Variants in HHAT observed in about 807,000 individuals in gnomAD.
HHAT encodes the protein hedgehog acyltransferase, also known as protein-cysteine N-palmitoyltransferase HHAT.
HHAT carries 47 observed loss-of-function variants against 70.8 expected under a neutral mutation model. The ratio of observed to expected loss-of-function variants is 0.66; its 90% confidence interval spans 0.53 to 0.85. The LOEUF (loss-of-function observed/expected upper bound fraction) is 0.85, where lower values mean the gene tolerates loss of function less well. Ranked by LOEUF, HHAT falls within the 40% of genes least tolerant of loss-of-function variation. The pLI is 0.00. For missense variants in HHAT, 609 were observed against 604.8 expected, an observed-to-expected ratio of 1.01 and a Z score of -0.07; for synonymous variants, 228 against 247.6, an observed-to-expected ratio of 0.92 and a Z score of 0.74.
chr1:210,447,428 T>C lies in HHAT; in HGVS notation c.857-17077T>C, dbSNP rs117601865. On this transcript the variant is annotated intron_variant, in intron 7 of 11. Transcript: ENST00000261458. ...ATCAGTGCACGATGGATTAGAAACA[T>C]GTATTTTGGTGCGCACTTGATTGAG... Among the ~76,000 whole-genome samples, 25 of 152,072 alleles carry C rather than the reference T, an allele frequency of 1.6e-4. No homozygotes were observed. In the East Asian group the frequency reaches 4.3e-3, roughly 26 times the overall value.
chr1:210,374,278 A>C (rs191324728), intron 3 of HHAT: 39 of 152,090 alleles, frequency 2.6e-4, no homozygotes, highest in Non-Finnish European at 4.0e-4. Flanking sequence ...AATGCTACAA[A>C]TTAGTTCAAC....
At chr1:210,429,399 C>T (rs1044126133) in intron 7 of HHAT, among the ~76,000 whole-genome samples, 4 of 151,774 alleles carry the variant, frequency 2.6e-5, no homozygotes, top group East Asian at 1.9e-4. Flanking sequence ...CTACTTCGAT[C>T]TAGAATAGTT....
At chr1:210,355,227 A>G (rs2087488956) in intron 2 of HHAT, among the ~76,000 whole-genome samples, 1 of 152,108 alleles carries the variant, frequency 6.6e-6, no homozygotes, top group East Asian at 1.9e-4. Flanking sequence ...TTGTCCTTCT[A>G]TTTAGATAAT....
At chr1:210,580,794 A>C (rs886880369) in intron 9 of HHAT, among the ~76,000 whole-genome samples, 2 of 152,100 alleles carry the variant, frequency 1.3e-5, no homozygotes, top group African/African-American at 4.8e-5. Context: ...ATATGTGTGC[A>C]TGTGTCTTTA....
At chr1:210,346,007 C>A (rs1037968221) in intron 1 of HHAT, among the ~76,000 whole-genome samples, 3 of 150,412 alleles carry the variant, frequency 2.0e-5, no homozygotes, top group Admixed American at 6.7e-5. Context: ...GAGGCTGCAG[C>A]GAGCTGAGAT....
chr1:210,586,422 A>G (rs1015026891), intron 9 of HHAT, among the ~76,000 whole-genome samples: 3 of 152,192 alleles, frequency 2.0e-5, no homozygotes, highest in Non-Finnish European at 2.9e-5. Flanking sequence ...CCTGGGTAAC[A>G]TCTAGAGATG....
chr1:210,374,769 T>A (rs1485307083), intron 3 of HHAT, among the ~76,000 whole-genome samples: 1 of 152,042 alleles, frequency 6.6e-6, no homozygotes, highest in Non-Finnish European at 1.5e-5. Flanking sequence ...GAATCTTTTT[T>A]TTTTTTTTTT....
At chr1:210,656,029 G>A (rs913205146) in intron 11 of HHAT, among the ~76,000 whole-genome samples, 6 of 152,188 alleles carry the variant, frequency 3.9e-5, no homozygotes, top group African/African-American at 1.4e-4. Context: ...GATGCTGAGT[G>A]ATTCCAAACA....
At chr1:210,354,762 G>A (rs1034422426) in intron 2 of HHAT, among the ~76,000 whole-genome samples, 1 of 152,066 alleles carries the variant, frequency 6.6e-6, no homozygotes, top group Non-Finnish European at 1.5e-5. Flanking sequence ...AAATGCCTAA[G>A]TATCTGGAGT....
intron 7 of HHAT, among the ~76,000 whole-genome samples, chr1:210,437,522 A>T (rs1369556673): frequency 6.6e-6 from 1 of 151,862 alleles, no homozygotes; most frequent in Non-Finnish European, 1.5e-5. Flanking sequence ...CAGCTGTGCT[A>T]GTAGCCAGGT....
chr1:210,602,954 A>T (rs538773374), intron 10 of HHAT, among the ~76,000 whole-genome samples: 2 of 152,300 alleles, frequency 1.3e-5, no homozygotes, highest in East Asian at 3.9e-4. Flanking sequence ...TGTTAGTTCA[A>T]ATATGTTTAG....
intron 11 of HHAT, chr1:210,630,884 G>A (rs765322781): frequency 5.4e-6 from 2 of 369,194 alleles, no homozygotes; most frequent in East Asian, 7.3e-5. Context: ...GGAGGCGGGG[G>A]GCCAGCTCAG....
chr1:210,406,991 T>C (rs896300240), intron 6 of HHAT, among the ~76,000 whole-genome samples: 3 of 152,148 alleles, frequency 2.0e-5, no homozygotes, highest in African/African-American at 7.2e-5. Flanking sequence ...AAAACCTCTA[T>C]GTTTGGGGGA....
Position 210,432,613 on chromosome 1 carries a change from C to T in HHAT, c.856+14288C>T, listed in dbSNP as rs77330000. On this transcript the variant is annotated intron_variant, in intron 7 of 11. Coordinates refer to ENST00000261458, the MANE Select transcript of HHAT (RefSeq NM_018194.6). ...GTTGTGTTAAATGATGACTTAACTG[C>T]CACGTAGTCTTAGATGGCCTTGCTA... 5.7e-3 allele frequency among the ~76,000 whole-genome samples: 864 copies of T among 151,966 alleles called. 27 individuals carry two copies. Among genetic ancestry groups the T allele is most frequent in the African/African-American group, 0.017 (685 of 41,278 alleles).
chr1:210,562,120 A>C lies in HHAT; in HGVS notation c.1044-25778A>C, dbSNP rs541842341. On this transcript the variant is annotated intron_variant, in intron 9 of 11. Transcript: ENST00000261458. ...TTAATTATGAGATTACAACTTATAG[A>C]TATCATTCAATAAACCAGCTCAGTT... Among the ~76,000 whole-genome samples the C allele has an allele frequency of 4.4e-4, 67 of 152,260 alleles. 1 individual carries two copies. Among genetic ancestry groups the C allele is most frequent in the African/African-American group, 1.6e-3 (65 of 41,558 alleles).
chr1:210,484,471 T>A (rs969938084), intron 8 of HHAT, among the ~76,000 whole-genome samples: 3 of 149,256 alleles, frequency 2.0e-5, no homozygotes, highest in Non-Finnish European at 4.4e-5. Context: ...TTTTGTCTGA[T>A]TTATCCGCTG....
At chr1:210,630,544 G>C (rs975562586) in intron 11 of HHAT, among the ~76,000 whole-genome samples, 1 of 152,316 alleles carries the variant, frequency 6.6e-6, no homozygotes, top group Middle Eastern at 3.4e-3. Flanking sequence ...AATTTCAAGG[G>C]TGGTGTTGAG....
intron 1 of HHAT, among the ~76,000 whole-genome samples, chr1:210,333,767 C>T (rs1053333852): frequency 6.6e-6 from 1 of 152,056 alleles, no homozygotes; most frequent in African/African-American, 2.4e-5. Flanking sequence ...AAGCAATTCT[C>T]ATGCCTCACC....
intron 3 of HHAT, among the ~76,000 whole-genome samples, chr1:210,377,191 T>C (rs975433093): frequency 6.6e-6 from 1 of 152,232 alleles, no homozygotes; most frequent in Non-Finnish European, 1.5e-5. Context: ...ACTAATGGTA[T>C]GTGTGATTTA....
Sources: allele counts gnomAD v4.1 joint callset (sites outside exome capture counted in the v4.1 genomes callset), GRCh38; gene constraint gnomAD v4.1.1; transcripts MANE v1.5; gene names NCBI Gene and HGNC (gene_info 2026-07-23, HGNC 2026-07-21).